Variants in PPARGC1A observed in about 807,000 individuals in gnomAD.
The protein encoded by PPARGC1A is peroxisome proliferator-activated receptor gamma coactivator 1-alpha.
In PPARGC1A, 25 loss-of-function variants were observed where a neutral mutation model predicts 88.7. That is an observed-to-expected ratio of 0.28 (90% CI 0.21 to 0.39). The LOEUF is 0.39. Among genes scored for constraint, PPARGC1A ranks in the 10% least tolerant of loss-of-function variants. The pLI is 1.00. For synonymous variants in PPARGC1A, 363 were observed against 355.6 expected (o/e 1.02, Z -0.24); for missense variants, 880 against 968.7 (o/e 0.91, Z 1.22).
intron 7 of PPARGC1A, chr4:23,820,578 T>C: frequency 2.4e-6 from 1 of 419,358 alleles, no homozygotes. Flanking sequence ...CAAAAGAGCA[T>C]TCTCTTTTCT....
the PPARGC1A span, among the ~76,000 whole-genome samples, chr4:24,093,235 C>T: frequency 6.6e-6 from 1 of 152,244 alleles, no homozygotes; most frequent in African/African-American, 2.4e-5. Flanking sequence ...CTACTCGATA[C>T]TCTTTCACTG....
the PPARGC1A span, among the ~76,000 whole-genome samples, chr4:24,035,060 C>T: frequency 1.3e-5 from 2 of 152,164 alleles, no homozygotes; most frequent in East Asian, 3.8e-4. Context: ...ACTACTAGGA[C>T]TGGATTTTGC....
At chr4:24,236,939 A>G in the PPARGC1A span, among the ~76,000 whole-genome samples, 1 of 152,216 alleles carries the variant, frequency 6.6e-6, no homozygotes, top group Non-Finnish European at 1.5e-5. Flanking sequence ...TGCGCACTGA[A>G]AACAGTCTTT....
chr4:24,066,849 GTTTTTTTTTTTTT>G, the PPARGC1A span, among the ~76,000 whole-genome samples: 1 of 100,880 alleles, frequency 9.9e-6, no homozygotes. Context: ...TTTGTTTTGG[GTTTTTTTTTTTTT>G]TTTTTTTTTG....
chr4:23,792,196 C>T lies in PPARGC1A; in HGVS notation c.*3626G>A, dbSNP rs559151845. 1 of 152,598 alleles carries T rather than the reference C, an allele frequency of 6.6e-6. No individual in the cohort carries two copies. The highest frequency in any genetic ancestry group is 1.5e-5 in the Non-Finnish European group (1 of 68,032). 9.5% of individuals were successfully genotyped at this position (152,598 alleles called of 1,614,324 possible). The stretch of plus-strand genomic sequence containing the variant: ...CAACTAATCGCTCACTTTCCCTCTT[C>T]AGCATAGTTCAACCAACAGTATTAC... On this transcript the variant is annotated 3_prime_UTR_variant, in exon 13 of 13. Coordinates refer to ENST00000264867, the MANE Select transcript of PPARGC1A (RefSeq NM_013261.5).
chr4:24,039,811 G>A, the PPARGC1A span, among the ~76,000 whole-genome samples: 2 of 152,066 alleles, frequency 1.3e-5, no homozygotes, highest in Non-Finnish European at 1.5e-5. Context: ...GCATACGTAA[G>A]CACTCGATAG....
the PPARGC1A span, among the ~76,000 whole-genome samples, chr4:24,133,870 C>T: frequency 6.6e-6 from 1 of 152,116 alleles, no homozygotes; most frequent in Non-Finnish European, 1.5e-5. Context: ...AAGGAGCAAA[C>T]TTGAGGTTTA....
At chr4:23,911,483 A>T in the PPARGC1A span, among the ~76,000 whole-genome samples, 2 of 152,218 alleles carry the variant, frequency 1.3e-5, no homozygotes, top group Non-Finnish European at 2.9e-5. Context: ...ATATAGAGCT[A>T]GAGTCCTGAC....
At chr4:24,161,957 G>GAT in the PPARGC1A span, among the ~76,000 whole-genome samples, 27 of 115,398 alleles carry the variant, frequency 2.3e-4, no homozygotes, top group East Asian at 1.1e-3. Flanking sequence ...AAGAAATTGT[G>GAT]ATATACACAC....
chr4:24,455,693 G>A, the PPARGC1A span, among the ~76,000 whole-genome samples: 5 of 152,268 alleles, frequency 3.3e-5, no homozygotes, highest in African/African-American at 9.6e-5. Flanking sequence ...TCCAGAGTTG[G>A]TTAGTTGTTC....
the PPARGC1A span, among the ~76,000 whole-genome samples, chr4:24,318,328 T>G: frequency 6.6e-6 from 1 of 152,212 alleles, no homozygotes; most frequent in Non-Finnish European, 1.5e-5. Context: ...ACAAGCTGTT[T>G]CTAAGGTCTC....
chr4:24,234,496 G>A, the PPARGC1A span, among the ~76,000 whole-genome samples: 1 of 152,136 alleles, frequency 6.6e-6, no homozygotes, highest in African/African-American at 2.4e-5. Flanking sequence ...TTTATTTATA[G>A]AGAACCATGA....
the PPARGC1A span, among the ~76,000 whole-genome samples, chr4:24,343,798 T>C: frequency 2.3e-4 from 35 of 151,978 alleles, no homozygotes; most frequent in East Asian, 6.0e-3. Flanking sequence ...GTTACATGAG[T>C]AAGTTCTTTA....
At chr4:24,094,046 G>C in the PPARGC1A span, among the ~76,000 whole-genome samples, 1 of 152,138 alleles carries the variant, frequency 6.6e-6, no homozygotes, top group Middle Eastern at 3.2e-3. Context: ...TTCCCAGGGT[G>C]GGGGAGGCTT....
At chr4:24,434,680 G>C in the PPARGC1A span, among the ~76,000 whole-genome samples, 1 of 152,164 alleles carries the variant, frequency 6.6e-6, no homozygotes. Context: ...ATCTCCATGG[G>C]GAATGGATTT....
At chr4:24,034,690 T>A in the PPARGC1A span, among the ~76,000 whole-genome samples, 1 of 152,176 alleles carries the variant, frequency 6.6e-6, no homozygotes, top group Non-Finnish European at 1.5e-5. Context: ...TACTAGTGTG[T>A]CTCCATTTTT....
chr4:24,116,504 A>G, the PPARGC1A span, among the ~76,000 whole-genome samples: 4 of 152,208 alleles, frequency 2.6e-5, no homozygotes, highest in African/African-American at 9.6e-5. Context: ...AAGAATATGG[A>G]AAAAACATAT....
At chr4:24,461,890 A>G in the PPARGC1A span, among the ~76,000 whole-genome samples, 2 of 151,950 alleles carry the variant, frequency 1.3e-5, no homozygotes, top group Non-Finnish European at 2.9e-5. Flanking sequence ...ACTTTCTGTG[A>G]TTTTTCCAGC....
the PPARGC1A span, among the ~76,000 whole-genome samples, chr4:24,257,754 C>T: frequency 6.6e-6 from 1 of 152,182 alleles, no homozygotes; most frequent in East Asian, 1.9e-4. Flanking sequence ...AAATATCATT[C>T]ACCTCATGGA....
Sources: allele counts gnomAD v4.1 joint callset (sites outside exome capture counted in the v4.1 genomes callset), GRCh38; gene constraint gnomAD v4.1.1; transcripts MANE v1.5; gene names NCBI Gene and HGNC (gene_info 2026-07-23, HGNC 2026-07-21).